Variants in ADRA1B observed in about 807,000 individuals in gnomAD.
ADRA1B encodes the protein alpha-1B adrenergic receptor.
ADRA1B carries 17 observed loss-of-function variants against 17.9 expected under a neutral mutation model. That is an observed-to-expected ratio of 0.95 (90% CI 0.65 to 1.42). ADRA1B has a LOEUF of 1.42. ADRA1B is among the 40% of genes most tolerant of loss of function. ADRA1B has a pLI of 0.00. For synonymous variants in ADRA1B, 366 were observed against 327.6 expected, an observed-to-expected ratio of 1.12 and a Z score of -1.27; for missense variants, 681 against 722.1, an observed-to-expected ratio of 0.94 and a Z score of 0.65.
upstream of ADRA1B, among the ~76,000 whole-genome samples, chr5:159,914,217 C>A (rs763700794): frequency 5.3e-5 from 8 of 152,192 alleles, 1 homozygote; most frequent in South Asian, 6.2e-4. Flanking sequence ...CACCCAGGAC[C>A]AATGACAGCC....
chr5:159,880,184 A>G (rs889528987), intron 1 of ADRA1B, among the ~76,000 whole-genome samples: 2 of 152,198 alleles, frequency 1.3e-5, no homozygotes, highest in South Asian at 2.1e-4. Flanking sequence ...CACAAACTCT[A>G]TCATCTTCAT....
intron 1 of ADRA1B, among the ~76,000 whole-genome samples, chr5:159,875,323 T>C (rs1753790871): frequency 6.7e-6 from 1 of 149,964 alleles, no homozygotes; most frequent in African/African-American, 2.5e-5. Flanking sequence ...CCTCCTCTAT[T>C]CCCCACTCCC....
the ADRA1B span, among the ~76,000 whole-genome samples, chr5:159,983,571 T>C: frequency 4.5e-3 from 678 of 152,274 alleles, 5 homozygotes; most frequent in African/African-American, 0.016. Flanking sequence ...TTCATCACCG[T>C]CTTAGCCGTG....
chr5:159,980,855 T>G, the ADRA1B span, among the ~76,000 whole-genome samples: 9,304 of 152,072 alleles, frequency 0.061, 980 homozygotes, highest in African/African-American at 0.21. Context: ...TAAGAGGTAT[T>G]AGAGGACTCT....
chr5:159,971,949 C>T lies in ADRA1B; in HGVS notation c.1020C>T (p.Asn340=). 1.4e-6 allele frequency: 2 copies of T among 1,451,434 alleles called. No homozygotes were observed. The highest frequency in any genetic ancestry group is 1.8e-6 in the Non-Finnish European group (2 of 1,095,184). The allele number at this position is 1,451,434 out of a possible 1,614,324, so 89.9% of individuals were successfully genotyped here. A position where few individuals can be genotyped will look rare whatever the true frequency, so the allele number is the denominator to read the frequency against. ...TGGTGTTCTGGCTGGGCTACTTCAACAGCTGCCTCAACCCCATCATCTACC... is the reference window on the plus strand; with the variant it reads ...TGGTGTTCTGGCTGGGCTACTTCAATAGCTGCCTCAACCCCATCATCTACC... ...FKVVFWLGYF[N]SCLNPIIYPC... is the part of the protein sequence containing the mutation. Residue 340 remains asparagine (N), a synonymous_variant, in exon 2 of 2, where the codon AAC becomes AAT. Transcript: ENST00000306675.
intron 1 of ADRA1B, among the ~76,000 whole-genome samples, chr5:159,904,555 C>T (rs1393688520): frequency 6.6e-6 from 1 of 152,170 alleles, no homozygotes; most frequent in East Asian, 1.9e-4. Context: ...GACCAGGTGG[C>T]CTACTCCAGC....
At chr5:159,975,389 A>G (rs1755956496), downstream of ADRA1B, among the ~76,000 whole-genome samples, 1 of 152,200 alleles carries the variant, frequency 6.6e-6, no homozygotes, top group South Asian at 2.1e-4. Context: ...TGGGCAGTTC[A>G]TCTTGCCTCT....
chr5:159,979,666 G>A, the ADRA1B span, among the ~76,000 whole-genome samples: 5 of 152,034 alleles, frequency 3.3e-5, no homozygotes, highest in African/African-American at 1.2e-4. Context: ...TCAGGAGTTC[G>A]AGACCAGACT....
chr5:159,885,593 A>G (rs753534219), intron 1 of ADRA1B, among the ~76,000 whole-genome samples: 4 of 152,258 alleles, frequency 2.6e-5, no homozygotes, highest in Non-Finnish European at 5.9e-5. Context: ...TCCTGCTATC[A>G]GCCTAAGGTT....
intron 1 of ADRA1B, among the ~76,000 whole-genome samples, chr5:159,899,005 A>G (rs899123711): frequency 3.9e-5 from 6 of 151,954 alleles, no homozygotes; most frequent in Admixed American, 2.6e-4. Context: ...TAATTAGCCA[A>G]GTGTGGTGGT....
intron 1 of ADRA1B, among the ~76,000 whole-genome samples, chr5:159,935,757 G>T (rs1303401929): frequency 6.6e-6 from 1 of 152,290 alleles, no homozygotes; most frequent in Non-Finnish European, 1.5e-5. Flanking sequence ...ATGTTGGCCA[G>T]GCTGGTCTCC....
chr5:159,890,951 G>T (rs1029124362), intron 1 of ADRA1B, among the ~76,000 whole-genome samples: 1 of 152,166 alleles, frequency 6.6e-6, no homozygotes, highest in African/African-American at 2.4e-5. Context: ...ATAATTCCCA[G>T]GTTTAAAAGA....
rs115712862 is a variant in ADRA1B, at chr5:159,918,325, C to G, written c.949+471C>G. On this transcript the variant is annotated intron_variant, in intron 1 of 1. Transcript: ENST00000306675. ...CAGCATTCATTCAGCATTTCCAGGGCTAGAGCAGAAGCCACGCTTCTCAAG... is the reference window on the plus strand; with the variant it reads ...CAGCATTCATTCAGCATTTCCAGGGGTAGAGCAGAAGCCACGCTTCTCAAG... Among the ~76,000 whole-genome samples the G allele has an allele frequency of 5.5e-3, 845 of 152,308 alleles. 9 individuals carry two copies. Among genetic ancestry groups the G allele is most frequent in the African/African-American group, 0.019 (809 of 41,560 alleles).
At chr5:159,989,024 C>T in the ADRA1B span, among the ~76,000 whole-genome samples, 1 of 152,164 alleles carries the variant, frequency 6.6e-6, no homozygotes, top group African/African-American at 2.4e-5. Context: ...TGGATATATG[C>T]CTAGAAATGG....
At chr5:159,964,243 C>T (rs1328776366) in intron 1 of ADRA1B, among the ~76,000 whole-genome samples, 1 of 152,200 alleles carries the variant, frequency 6.6e-6, no homozygotes, top group Non-Finnish European at 1.5e-5. Context: ...ACTTCTCTTT[C>T]AATCCTTTAG....
At chr5:159,922,421 G>A (rs1360712528) in intron 1 of ADRA1B, among the ~76,000 whole-genome samples, 1 of 152,178 alleles carries the variant, frequency 6.6e-6, no homozygotes, top group Non-Finnish European at 1.5e-5. Context: ...GGAAATGTCT[G>A]GCCCTTTTGC....
the ADRA1B span, among the ~76,000 whole-genome samples, chr5:159,982,711 A>G: frequency 3.3e-5 from 5 of 151,982 alleles, no homozygotes; most frequent in Non-Finnish European, 5.9e-5. Flanking sequence ...ACCTACCTCT[A>G]TCCTCTTTCT....
chr5:159,907,721 G>A (rs1197069314), intron 1 of ADRA1B, among the ~76,000 whole-genome samples: 1 of 152,176 alleles, frequency 6.6e-6, no homozygotes, highest in Non-Finnish European at 1.5e-5. Flanking sequence ...ACAACTCCAT[G>A]TGGTAAATAC....
chr5:159,947,512 T>G (rs1047090803), intron 1 of ADRA1B, among the ~76,000 whole-genome samples: 5 of 152,220 alleles, frequency 3.3e-5, no homozygotes, highest in Non-Finnish European at 5.9e-5. Flanking sequence ...TTTTTTCATT[T>G]GATCTGCATG....
Sources: allele counts gnomAD v4.1 joint callset (sites outside exome capture counted in the v4.1 genomes callset), GRCh38; gene constraint gnomAD v4.1.1; transcripts MANE v1.5; gene names NCBI Gene and HGNC (gene_info 2026-07-23, HGNC 2026-07-21).